The following ABI3BP variants were observed in gnomAD, a reference collection of about 807,000 sequenced individuals.
The protein encoded by ABI3BP is ABI family member 3 binding protein.
Under a neutral mutation model 268.6 loss-of-function variants are expected in ABI3BP, and 216 were observed. The observed-to-expected ratio is 0.80, with a 90% CI of 0.72 to 0.90. ABI3BP has a LOEUF of 0.90. ABI3BP is among the 40% of genes least tolerant of loss of function. The pLI is 0.00. For synonymous variants in ABI3BP, 730 were observed against 730.0 expected (o/e 1.00, Z 0.00); for missense variants, 2,090 against 2,182.4 (o/e 0.96, Z 0.84).
At position 100,874,881 on chromosome 3, in the gene ABI3BP, G is replaced by A; in HGVS notation, c.870C>T (p.Ser290=). Residue 290 remains serine (S), a synonymous_variant, in exon 9 of 68, where the codon TCC becomes TCT. Transcript: ENST00000471714. ...GTGCATCTGAAATCTCAAACATTAG[G>A]GATGCAGGAAGTTTTACAGTAGTTT... ...LNETTVKLPA[S]LMFEISDALK... The A allele has an allele frequency of 1.2e-6, 2 of 1,601,266 alleles. No homozygotes were observed. Among genetic ancestry groups the A allele is most frequent in the Admixed American group, 1.7e-5 (1 of 58,712 alleles).
chr3:100,763,059 A>G lies in ABI3BP; in HGVS notation c.4850+2782T>C, dbSNP rs150296035. Among the ~76,000 whole-genome samples, 676 of 152,326 alleles carry G rather than the reference A, an allele frequency of 4.4e-3. 3 individuals are homozygous for G. Among genetic ancestry groups the G allele is most frequent in the Middle Eastern group, 0.024 (7 of 294 alleles). ...AAATAATGTTAAGTAAGCCACATAT[A>G]ATAGACACACTGAATGACCTCAAAT... On this transcript the variant is annotated intron_variant, in intron 63 of 67. Coordinates refer to ENST00000471714, the MANE Select transcript of ABI3BP (RefSeq NM_001375547.2).
intron 54 of ABI3BP, among the ~76,000 whole-genome samples, chr3:100,793,765 A>G (rs2097263191): frequency 6.6e-6 from 1 of 152,018 alleles, no homozygotes; most frequent in African/African-American, 2.4e-5. Flanking sequence ...ATGAAGGGAG[A>G]CAAATAGGGC....
At chr3:100,974,676 A>G (rs893418508) in intron 1 of ABI3BP, among the ~76,000 whole-genome samples, 1 of 152,180 alleles carries the variant, frequency 6.6e-6, no homozygotes. Context: ...GACAAATTAT[A>G]AAAATTTACT....
At position 100,750,581 on chromosome 3, in the gene ABI3BP, C is replaced by T; in HGVS notation, c.5275G>A (p.Val1759Ile). ...TGACCACCTATTTCTCCAAATTGGA[C>T]AGGTTCCTGGCGAACTGCTCTGAAA... is the stretch of plus-strand genomic sequence containing the variant. ...GYFRAVRQEPVQFGEIGGHTQ... is the reference protein window; with the variant it reads ...GYFRAVRQEPIQFGEIGGHTQ... The change falls in exon 68 of 68, where the codon GTC becomes ATC. Residue 1759 changes from valine (V) to isoleucine (I), a missense_variant. Physicochemically the swap from Val to Ile is conservative, Grantham distance 29. Coordinates refer to ENST00000471714, the MANE Select transcript of ABI3BP (RefSeq NM_001375547.2). The T allele has an allele frequency of 6.2e-7, 1 of 1,612,980 alleles. No homozygotes were observed. The highest frequency in any genetic ancestry group is 8.5e-7 in the Non-Finnish European group (1 of 1,179,342).
chr3:100,807,205 A>C (rs546041652), intron 50 of ABI3BP, among the ~76,000 whole-genome samples: 1 of 151,938 alleles, frequency 6.6e-6, no homozygotes, highest in Admixed American at 6.6e-5. Flanking sequence ...GTTTCCTATT[A>C]TAATAACAAA....
At chr3:100,953,681 T>C (rs552907919) in intron 1 of ABI3BP, among the ~76,000 whole-genome samples, 2 of 152,336 alleles carry the variant, frequency 1.3e-5, no homozygotes, top group East Asian at 3.9e-4. Context: ...AGCAATGCTT[T>C]ACATTTCTTG....
Position 100,828,504 on chromosome 3 carries a change from A to G in ABI3BP, c.2543-52T>C, listed in dbSNP as rs2098428162. ...ACCAACAAAACATTAAAAATTTATA[A>G]AAACTCAGAACATTCAAAAAGAATT... is the stretch of plus-strand genomic sequence containing the variant. On this transcript the variant is annotated intron_variant, in intron 33 of 67. Coordinates refer to ENST00000471714, the MANE Select transcript of ABI3BP (RefSeq NM_001375547.2). 2.8e-6 allele frequency: 4 copies of G among 1,449,482 alleles called. No individual in the cohort carries two copies. In the Admixed American group the frequency reaches 8.2e-5, roughly 30 times the overall value. The allele number at this position is 1,449,482 out of a possible 1,614,324, so 89.8% of individuals were successfully genotyped here. A position where few individuals can be genotyped will look rare whatever the true frequency, so the allele number is the denominator to read the frequency against.
chr3:100,763,104 C>T (rs749893369), intron 63 of ABI3BP, among the ~76,000 whole-genome samples: 6 of 152,112 alleles, frequency 3.9e-5, no homozygotes, highest in African/African-American at 7.2e-5. Context: ...TGGTAAAATT[C>T]GGCATGGGAT....
At chr3:100,866,294 T>G (rs1183468784) in intron 10 of ABI3BP, among the ~76,000 whole-genome samples, 1 of 152,222 alleles carries the variant, frequency 6.6e-6, no homozygotes, top group African/African-American at 2.4e-5. Context: ...TGGACTGGAC[T>G]TGAGTAGTTC....
intron 4 of ABI3BP, 63 bp from the exon 5 acceptor site, chr3:100,886,386 T>G: frequency 8.2e-7 from 1 of 1,221,554 alleles, no homozygotes; most frequent in Non-Finnish European, 1.1e-6. Context: ...TTATTTCAAA[T>G]TTCTTACTTC....
intron 63 of ABI3BP, among the ~76,000 whole-genome samples, chr3:100,759,941 C>T (rs1456880305): frequency 6.6e-6 from 1 of 152,178 alleles, no homozygotes; most frequent in African/African-American, 2.4e-5. Context: ...ACTAGAATTT[C>T]GCAGAAACAC....
chr3:100,864,751 C>T lies in ABI3BP; in HGVS notation c.1063+82G>A, dbSNP rs73864017. The T allele has an allele frequency of 5.6e-3, 5,621 of 1,010,350 alleles. 203 individuals are homozygous for T. The African/African-American group carries it at 0.082, about 15-fold the overall frequency. 62.6% of individuals were successfully genotyped at this position (1,010,350 alleles called of 1,614,324 possible). ...GGGAGGGAGAGAGAAGTTAAGGCAC[C>T]AGGTTTCTTTTCTGTGAGTCCTGGG... is the stretch of plus-strand genomic sequence containing the variant. On this transcript the variant is annotated intron_variant, in intron 11 of 67. Coordinates refer to ENST00000471714, the MANE Select transcript of ABI3BP (RefSeq NM_001375547.2).
intron 2 of ABI3BP, among the ~76,000 whole-genome samples, chr3:100,910,471 A>C (rs1561553496): frequency 6.6e-6 from 1 of 152,130 alleles, no homozygotes. Flanking sequence ...ATAAAAAGTA[A>C]ATTTTCATAC....
intron 19 of ABI3BP, among the ~76,000 whole-genome samples, chr3:100,846,792 C>G (rs1443399213): frequency 1.3e-5 from 2 of 152,112 alleles, no homozygotes; most frequent in African/African-American, 4.8e-5. Flanking sequence ...TCATATTTCT[C>G]AATCTCATCT....
At chr3:100,932,129 G>T (rs1436228499) in intron 1 of ABI3BP, among the ~76,000 whole-genome samples, 1 of 151,978 alleles carries the variant, frequency 6.6e-6, no homozygotes. Context: ...TTCAGTAAAT[G>T]GAGTGGGATA....
chr3:100,834,413 G>T (rs1459261482), intron 29 of ABI3BP, among the ~76,000 whole-genome samples: 1 of 152,074 alleles, frequency 6.6e-6, no homozygotes, highest in East Asian at 1.9e-4. Flanking sequence ...ACCTAATCAG[G>T]TCAGTTTTTG....
chr3:100,835,761 A>G, intron 27 of ABI3BP, 101 bp from the exon 28 acceptor site: 2 of 942,598 alleles, frequency 2.1e-6, no homozygotes, highest in Non-Finnish European at 3.1e-6. Flanking sequence ...TTTTAAATAC[A>G]TTTCTGAACT....
intron 55 of ABI3BP, 114 bp downstream of exon 55, chr3:100,792,577 A>C (rs2097224427): frequency 1.8e-6 from 2 of 1,087,714 alleles, no homozygotes; most frequent in Admixed American, 4.4e-5. Flanking sequence ...ATAAAATGAC[A>C]AAAAAAGTCA....
chr3:100,766,098 A>G lies in ABI3BP; in HGVS notation c.4742-149T>C, dbSNP rs2096258521. The stretch of plus-strand genomic sequence containing the variant: ...GACATATTGATCTTACACATTGGCA[A>G]TTTCCATATGGGGATGGTCAGCAGA... On this transcript the variant is annotated intron_variant, in intron 62 of 67. Transcript: ENST00000471714. 3 of 596,548 alleles carry G rather than the reference A, an allele frequency of 5.0e-6. No individual in the cohort carries two copies. The African/African-American group carries it at 5.5e-5, about 11-fold the overall frequency. The allele number at this position is 596,548 out of a possible 1,614,324, so 37.0% of individuals were successfully genotyped here. A position where few individuals can be genotyped will look rare whatever the true frequency, so the allele number is the denominator to read the frequency against.
Sources: allele counts gnomAD v4.1 joint callset (sites outside exome capture counted in the v4.1 genomes callset), GRCh38; gene constraint gnomAD v4.1.1; transcripts MANE v1.5; gene names NCBI Gene and HGNC (gene_info 2026-07-23, HGNC 2026-07-21).